The following KLF17 variants were observed in gnomAD, a reference collection of about 807,000 sequenced individuals.
The protein encoded by KLF17 is KLF transcription factor 17.
In KLF17, 31 loss-of-function variants were observed where a neutral mutation model predicts 34.2. The ratio of observed to expected loss-of-function variants is 0.91; its 90% CI spans 0.68 to 1.22. KLF17 has a LOEUF of 1.22. KLF17 is among the 50% of genes most tolerant of loss of function. The pLI is 0.00. For synonymous variants in KLF17, 179 were observed against 186.7 expected (o/e 0.96, Z 0.34); for missense variants, 478 against 505.2 (o/e 0.95, Z 0.52).
In KLF17 at chr1:44,129,582, C is replaced by A; in HGVS notation, c.311C>A (p.Ala104Glu). Residue 104 changes from alanine (A) to glutamate (E), a missense_variant, in exon 2 of 4, where the codon GCG becomes GAG. Physicochemically the swap from Ala to Glu is moderately radical, Grantham distance 107. Coordinates refer to ENST00000372299, the MANE Select transcript of KLF17 (RefSeq NM_173484.4). ...CGTGGTATGAGCTACTGCCCCCAAG[C>A]GACTCTCACTCCTTCCCGGATGATT... The part of the protein sequence containing the change: ...PERGMSYCPQ[A>E]TLTPSRMIYC... The A allele has an allele frequency of 6.2e-7, 1 of 1,614,086 alleles. No homozygotes were observed. Among genetic ancestry groups the A allele is most frequent in the Non-Finnish European group, 8.5e-7 (1 of 1,179,992 alleles).
chr1:44,061,078 T>A, the KLF17 span: 12 of 152,232 alleles, frequency 7.9e-5, no homozygotes, highest in Non-Finnish European at 2.9e-5. Context: ...TTACTAATCT[T>A]TGGCCCTTGC....
the KLF17 span, among the ~76,000 whole-genome samples, chr1:44,100,634 GTTTTTGTTTTGTTTT>G: frequency 7.2e-6 from 1 of 137,946 alleles, no homozygotes; most frequent in East Asian, 2.2e-4. Flanking sequence ...TTTTGTTTTT[GTTTTTGTTTTGTTTT>G]GTTTTGTTTT....
the KLF17 span, among the ~76,000 whole-genome samples, chr1:44,081,335 A>G: frequency 6.6e-6 from 1 of 151,470 alleles, no homozygotes; most frequent in Admixed American, 6.6e-5. Context: ...AAATCTGTTT[A>G]GTTTAAAGCA....
rs561575952 is a variant in KLF17 at position 44,122,239 on chromosome 1, T to C, written c.81+3251T>C. ...CTGCCTCTTCCTGCAACAGCTTCCC[T>C]TTTCTTAGATTTCACCTTAGGTTCA... On this transcript the variant is annotated intron_variant, in intron 1 of 3. Coordinates refer to ENST00000372299, the MANE Select transcript of KLF17 (RefSeq NM_173484.4). 1,293 of 1,604,166 alleles carry C rather than the reference T, an allele frequency of 8.1e-4. 4 individuals are homozygous for C. The highest frequency in any genetic ancestry group is 9.6e-4 in the Non-Finnish European group (1,124 of 1,171,412).
chr1:44,077,311 C>T, the KLF17 span, among the ~76,000 whole-genome samples: 2 of 151,848 alleles, frequency 1.3e-5, no homozygotes, highest in African/African-American at 2.4e-5. Context: ...TGCCACTGCA[C>T]TCCAGCCTAG....
chr1:44,065,406 T>G, the KLF17 span, among the ~76,000 whole-genome samples: 2 of 91,840 alleles, frequency 2.2e-5, no homozygotes, highest in African/African-American at 6.8e-5. Context: ...TAATCCTTGG[T>G]TTTTTTTTTT....
the KLF17 span, among the ~76,000 whole-genome samples, chr1:44,075,536 A>G: frequency 6.6e-6 from 1 of 152,206 alleles, no homozygotes; most frequent in African/African-American, 2.4e-5. Flanking sequence ...GGGTCTAATA[A>G]GTGTTTCTAA....
the KLF17 span, among the ~76,000 whole-genome samples, chr1:44,094,536 G>A: frequency 1.3e-5 from 2 of 152,056 alleles, no homozygotes; most frequent in African/African-American, 2.4e-5. Context: ...TGAGGGATAG[G>A]GGTCTGCTTT....
chr1:44,085,584 G>A, the KLF17 span, among the ~76,000 whole-genome samples: 24,965 of 151,950 alleles, frequency 0.16, 2,444 homozygotes, highest in South Asian at 0.25. Context: ...TTTGGGCCCA[G>A]GAGTTCAAGA....
the KLF17 span, among the ~76,000 whole-genome samples, chr1:44,086,501 AAAT>A: frequency 1.3e-4 from 20 of 149,890 alleles, no homozygotes; most frequent in East Asian, 2.9e-3. Flanking sequence ...ATAAATAAAT[AAAT>A]AAAAATAAAT....
the KLF17 span, among the ~76,000 whole-genome samples, chr1:44,075,615 G>A: frequency 0.39 from 58,587 of 151,936 alleles, 12,004 homozygotes; most frequent in East Asian, 0.56. Context: ...AACAATATTT[G>A]GATTTGCCTT....
chr1:44,116,406 T>A (rs573171389), upstream of KLF17, among the ~76,000 whole-genome samples: 1 of 152,354 alleles, frequency 6.6e-6, no homozygotes, highest in East Asian at 1.9e-4. Context: ...GATTCATCCA[T>A]GACTTTGCTC....
At chr1:44,058,762 A>G in the KLF17 span, among the ~76,000 whole-genome samples, 1 of 130,186 alleles carries the variant, frequency 7.7e-6, no homozygotes, top group Non-Finnish European at 1.5e-5. Flanking sequence ...GTCTCGGCTC[A>G]CTGCAAGCTC....
At chr1:44,107,911 C>T in the KLF17 span, among the ~76,000 whole-genome samples, 1 of 152,122 alleles carries the variant, frequency 6.6e-6, no homozygotes, top group African/African-American at 2.4e-5. Flanking sequence ...TTATTCAAAG[C>T]TTCAGGCATC....
chr1:44,072,530 AAAT>A, the KLF17 span, among the ~76,000 whole-genome samples: 1 of 127,474 alleles, frequency 7.8e-6, no homozygotes, highest in East Asian at 2.3e-4. Flanking sequence ...CTACAAAAAT[AAAT>A]AAATAAATAA....
chr1:44,087,450 G>C, the KLF17 span, among the ~76,000 whole-genome samples: 1 of 151,484 alleles, frequency 6.6e-6, no homozygotes, highest in East Asian at 1.9e-4. Flanking sequence ...TTTTTTTAAA[G>C]ACAGGGTCTC....
At chr1:44,087,587 G>A in the KLF17 span, among the ~76,000 whole-genome samples, 1 of 150,874 alleles carries the variant, frequency 6.6e-6, no homozygotes, top group Non-Finnish European at 1.5e-5. Context: ...TTTAGAAGCT[G>A]GACTTCCAGG....
the KLF17 span, among the ~76,000 whole-genome samples, chr1:44,067,448 C>G: frequency 6.6e-6 from 1 of 152,152 alleles, no homozygotes; most frequent in Non-Finnish European, 1.5e-5. Flanking sequence ...AGAACAGAGT[C>G]TGACATGAAT....
chr1:44,076,967 A>G, the KLF17 span: 2 of 145,916 alleles, frequency 1.4e-5, no homozygotes, highest in Admixed American at 1.4e-4. Context: ...AACTCCTGGC[A>G]TCAAGTGATC....
Sources: allele counts gnomAD v4.1 joint callset (sites outside exome capture counted in the v4.1 genomes callset), GRCh38; gene constraint gnomAD v4.1.1; transcripts MANE v1.5; gene names NCBI Gene and HGNC (gene_info 2026-07-23, HGNC 2026-07-21).